The following CLIC4 variants were observed in gnomAD, a reference collection of about 807,000 sequenced individuals.
CLIC4 encodes CLIC family member 4, also known as chloride intracellular channel protein 4.
CLIC4 carries 13 observed loss-of-function variants against 24.6 expected under a neutral mutation model. The ratio of observed to expected loss-of-function variants is 0.53; its 90% CI spans 0.34 to 0.84. The LOEUF (loss-of-function observed/expected upper bound fraction) is 0.84, where lower values mean the gene tolerates loss of function less well. Ranked by LOEUF, CLIC4 falls within the 40% of genes least tolerant of loss-of-function variation. CLIC4 has a pLI of 0.01. For synonymous variants in CLIC4, 104 were observed against 111.3 expected, an observed-to-expected ratio of 0.93 and a Z score of 0.41; for missense variants, 227 against 301.7, an observed-to-expected ratio of 0.75 and a Z score of 1.83.
chr1:24,771,779 T>C, intron 1 of CLIC4: 1 of 478,950 alleles, frequency 2.1e-6, no homozygotes. Context: ...ACTATATAGC[T>C]ATTGGTCTAA....
At chr1:24,819,813 C>T (rs1214874423) in intron 3 of CLIC4, among the ~76,000 whole-genome samples, 1 of 149,894 alleles carries the variant, frequency 6.7e-6, no homozygotes. Context: ...AATCTCGACT[C>T]ACTGCAACCT....
rs1639954450 is a variant in CLIC4 at position 24,842,552 on chromosome 1, A to ATACTGCATTTTTTGAGCC, written c.*1618_*1635dup. On this transcript the variant is annotated 3_prime_UTR_variant, in exon 6 of 6. Transcript: ENST00000374379. ...TTTATGAAAGCGGCTTTTTATAAGT[A>ATACTGCATTTTTTGAGCC]TACTGCATTTTTTGAGCCTATCATT... 1 of 152,200 alleles carries ATACTGCATTTTTTGAGCC rather than the reference A, an allele frequency of 6.6e-6. No individual in the cohort carries two copies. The highest frequency in any genetic ancestry group is 2.1e-4 in the South Asian group (1 of 4,828). 9.4% of individuals were successfully genotyped at this position (152,200 alleles called of 1,614,324 possible). A position where few individuals can be genotyped will look rare whatever the true frequency, so the allele number is the denominator to read the frequency against.
At chr1:24,769,555 T>C (rs1639047518) in intron 1 of CLIC4, among the ~76,000 whole-genome samples, 2 of 152,210 alleles carry the variant, frequency 1.3e-5, no homozygotes. Flanking sequence ...TTGTTTATGT[T>C]ATTTTTCTCT....
chr1:24,751,812 C>T (rs982126965), intron 1 of CLIC4, among the ~76,000 whole-genome samples: 10 of 152,112 alleles, frequency 6.6e-5, no homozygotes, highest in Non-Finnish European at 1.2e-4. Flanking sequence ...TGCAGTGAGC[C>T]GAGATTGTGC....
chr1:24,786,305 C>A (rs1457110963), intron 1 of CLIC4, among the ~76,000 whole-genome samples: 1 of 152,204 alleles, frequency 6.6e-6, no homozygotes, highest in Non-Finnish European at 1.5e-5. Context: ...GTGAGCAGTT[C>A]CTTAATCTTG....
chr1:24,812,973 T>C (rs1639629599), intron 2 of CLIC4, among the ~76,000 whole-genome samples: 1 of 151,794 alleles, frequency 6.6e-6, no homozygotes, highest in South Asian at 2.1e-4. Context: ...CACCTTGGCC[T>C]CCCAAAATGC....
chr1:24,829,770 A>T (rs1639821660), intron 4 of CLIC4, among the ~76,000 whole-genome samples: 1 of 152,142 alleles, frequency 6.6e-6, no homozygotes, highest in Admixed American at 6.5e-5. Context: ...TTTATTCAGG[A>T]TCCTCTCCTT....
At chr1:24,777,601 A>G (rs149200124) in intron 1 of CLIC4, among the ~76,000 whole-genome samples, 11 of 152,292 alleles carry the variant, frequency 7.2e-5, no homozygotes, top group Middle Eastern at 3.4e-3. Flanking sequence ...CATCTTTAGT[A>G]TCTGGTCTTG....
chr1:24,784,136 G>T (rs1231217851), intron 1 of CLIC4, among the ~76,000 whole-genome samples: 3 of 149,786 alleles, frequency 2.0e-5, no homozygotes, highest in Non-Finnish European at 4.4e-5. Context: ...GAGGGTTTTT[G>T]TTTGCTTGGT....
chr1:24,804,770 T>C (rs150217972), intron 2 of CLIC4, among the ~76,000 whole-genome samples: 21 of 152,222 alleles, frequency 1.4e-4, no homozygotes, highest in African/African-American at 4.6e-4. Context: ...GTATACACTT[T>C]ACTCCTAAAC....
intron 1 of CLIC4, among the ~76,000 whole-genome samples, chr1:24,749,779 G>T (rs949206287): frequency 6.6e-6 from 1 of 151,172 alleles, no homozygotes; most frequent in Non-Finnish European, 1.5e-5. Flanking sequence ...GCAACATGGC[G>T]AGACCCTGTC....
intron 1 of CLIC4, among the ~76,000 whole-genome samples, chr1:24,757,013 A>G (rs1465370011): frequency 1.3e-5 from 2 of 152,018 alleles, no homozygotes; most frequent in African/African-American, 4.8e-5. Flanking sequence ...CTCCTGCCTC[A>G]GCCTCCCAAG....
At chr1:24,768,634 C>G (rs1018139571) in intron 1 of CLIC4, among the ~76,000 whole-genome samples, 3 of 151,984 alleles carry the variant, frequency 2.0e-5, no homozygotes, top group African/African-American at 7.2e-5. Flanking sequence ...ACATGTCGGC[C>G]GGGTGCGGTG....
chr1:24,770,563 GAAT>G (rs1639058894), intron 1 of CLIC4, among the ~76,000 whole-genome samples: 1 of 151,992 alleles, frequency 6.6e-6, no homozygotes, highest in Non-Finnish European at 1.5e-5. Flanking sequence ...TTTAAAAAAA[GAAT>G]AAAAAAATTA....
chr1:24,745,894 C>A (rs1357123516), intron 1 of CLIC4, among the ~76,000 whole-genome samples: 3 of 151,218 alleles, frequency 2.0e-5, no homozygotes, highest in African/African-American at 7.3e-5. Context: ...GCGTCCCGCG[C>A]CCGGGTGGGT....
Position 24,797,763 on chromosome 1 carries a change from A to G in CLIC4, c.94A>G (p.Ile32Val). 1 of 1,612,998 alleles carries G rather than the reference A, an allele frequency of 6.2e-7. No homozygotes were observed. The highest frequency in any genetic ancestry group is 8.5e-7 in the Non-Finnish European group (1 of 1,179,592). ...CCAGGCTGGCAGTGATGGTGAAAGC[A>G]TAGGAAACTGCCCCTTTTCCCAGAG... ...FVKAGSDGES[I>V]GNCPFSQRLF... Residue 32 changes from isoleucine to valine, a missense_variant, in exon 2 of 6, where the codon ATA becomes GTA. Transcript: ENST00000374379.
intron 1 of CLIC4, among the ~76,000 whole-genome samples, chr1:24,765,942 GC>G (rs1638989992): frequency 6.6e-6 from 1 of 151,230 alleles, no homozygotes; most frequent in African/African-American, 2.4e-5. Flanking sequence ...CTCCCAACTA[GC>G]TGGGATTACA....
At chr1:24,750,412 G>GTTTCTTTCTTTC (rs545712230) in intron 1 of CLIC4, among the ~76,000 whole-genome samples, 17 of 149,762 alleles carry the variant, frequency 1.1e-4, no homozygotes, top group African/African-American at 4.0e-4. Context: ...TGTAATCTGG[G>GTTTCTTTCTTTC]TTTCTTTCTT....
intron 3 of CLIC4, among the ~76,000 whole-genome samples, chr1:24,824,979 G>A (rs908975063): frequency 1.8e-4 from 27 of 146,934 alleles, no homozygotes; most frequent in Non-Finnish European, 8.9e-5. Flanking sequence ...CACCCTGGGT[G>A]ACAGAGGGAG....
Sources: gnomAD v4.1 joint callset for allele counts (sites outside exome capture counted in the v4.1 genomes callset) on GRCh38, gnomAD v4.1.1 for gene constraint, MANE v1.5 for transcripts, NCBI Gene and HGNC (gene_info 2026-07-23, HGNC 2026-07-21) for gene names.